SNTG1: variants seen among roughly 807,000 people sequenced by gnomAD.
The protein encoded by SNTG1 is syntrophin gamma 1, also known as gamma-1-syntrophin.
In SNTG1, 39 loss-of-function variants were observed where a neutral mutation model predicts 74.7. That is an observed-to-expected ratio of 0.52 (90% CI 0.40 to 0.68). The LOEUF is 0.68. SNTG1 is among the 30% of genes least tolerant of loss of function. The probability of loss-of-function intolerance (pLI) is 0.00; values close to 1 mark genes in which losing one functional copy is unlikely to be tolerated. For synonymous variants in SNTG1, 254 were observed against 217.1 expected (o/e 1.17, Z -1.49); for missense variants, 685 against 609.5 (o/e 1.12, Z -1.30).
intron 1 of SNTG1, among the ~76,000 whole-genome samples, chr8:50,087,220 T>C (rs1261288775): frequency 6.6e-6 from 1 of 152,206 alleles, no homozygotes; most frequent in East Asian, 1.9e-4. Flanking sequence ...TTTCAGCTTC[T>C]TCTTTTAGAG....
intron 15 of SNTG1, among the ~76,000 whole-genome samples, chr8:50,685,325 T>C (rs965128008): frequency 6.6e-6 from 1 of 152,204 alleles, no homozygotes; most frequent in Admixed American, 6.5e-5. Context: ...AAACTACCAG[T>C]CCTCCAGGGT....
rs1212359270 is a variant in SNTG1 at position 50,660,615 on chromosome 8, A to G, written c.1038+1952A>G. 2.0e-5 allele frequency among the ~76,000 whole-genome samples: 3 copies of G among 152,054 alleles called. No homozygotes were observed. In the East Asian group the frequency reaches 5.8e-4, roughly 29 times the overall value. ...TAATACAACTTTTATCATAGTAATA[A>G]CGCAACACATATTTATATATTCTTA... On this transcript the variant is annotated intron_variant, in intron 15 of 18. Coordinates refer to ENST00000642720, the MANE Select transcript of SNTG1 (RefSeq NM_018967.5).
At chr8:50,667,469 C>T (rs920657348) in intron 15 of SNTG1, among the ~76,000 whole-genome samples, 1 of 151,932 alleles carries the variant, frequency 6.6e-6, no homozygotes, top group African/African-American at 2.4e-5. Flanking sequence ...TGAAGGTCTA[C>T]CAGTTGTGTC....
intron 15 of SNTG1, among the ~76,000 whole-genome samples, chr8:50,678,194 A>G (rs1041359960): frequency 6.6e-6 from 1 of 152,030 alleles, no homozygotes. Context: ...ATCAAAATCT[A>G]TTATTAACAT....
intron 18 of SNTG1, among the ~76,000 whole-genome samples, chr8:50,769,936 T>A (rs550020547): frequency 4.1e-4 from 62 of 152,194 alleles, no homozygotes; most frequent in African/African-American, 1.4e-3. Context: ...ATGTAATAAG[T>A]TTCTATTTTT....
In SNTG1 at chr8:49,938,498, G is replaced by A. The variant is rs1296282292; in HGVS notation, c.-103+26267G>A. Among the ~76,000 whole-genome samples, 3 of 151,782 alleles carry A rather than the reference G, an allele frequency of 2.0e-5. No individual in the cohort carries two copies. In the East Asian group the frequency reaches 5.9e-4, roughly 30 times the overall value. On this transcript the variant is annotated intron_variant, in intron 1 of 18. Coordinates refer to ENST00000642720, the MANE Select transcript of SNTG1 (RefSeq NM_018967.5). The stretch of plus-strand genomic sequence containing the variant: ...CTATACTATTCTTCCAGTGCCAAAA[G>A]GTGCATTTGTGGAATTTCTCTTTGT...
At chr8:50,656,199 A>G (rs2095179546) in intron 13 of SNTG1, among the ~76,000 whole-genome samples, 1 of 152,296 alleles carries the variant, frequency 6.6e-6, no homozygotes, top group East Asian at 1.9e-4. Flanking sequence ...TAGAAATGTC[A>G]TACTTATTTG....
At chr8:50,738,818 T>C (rs974553706) in intron 17 of SNTG1, among the ~76,000 whole-genome samples, 6 of 151,194 alleles carry the variant, frequency 4.0e-5, no homozygotes, top group Admixed American at 6.6e-5. Context: ...GGGGAAAGGA[T>C]TCCCTATTTA....
chr8:50,488,071 A>T (rs891235783), intron 8 of SNTG1, among the ~76,000 whole-genome samples: 2 of 152,184 alleles, frequency 1.3e-5, no homozygotes, highest in African/African-American at 4.8e-5. Flanking sequence ...TACTTAGTCC[A>T]TTCTATCTTG....
chr8:50,060,328 C>A (rs1329813536), intron 1 of SNTG1, among the ~76,000 whole-genome samples: 1 of 152,014 alleles, frequency 6.6e-6, no homozygotes, highest in Non-Finnish European at 1.5e-5. Context: ...CTTTCACTCC[C>A]TTGATGGTGT....
intron 1 of SNTG1, among the ~76,000 whole-genome samples, chr8:50,034,065 G>A (rs1817952849): frequency 6.6e-6 from 1 of 152,120 alleles, no homozygotes. Flanking sequence ...GAAAAAGAAG[G>A]TAGCAGAAAT....
chr8:50,408,003 C>G (rs2092901518), intron 4 of SNTG1, among the ~76,000 whole-genome samples: 1 of 152,130 alleles, frequency 6.6e-6, no homozygotes, highest in South Asian at 2.1e-4. Flanking sequence ...TTCACAATAG[C>G]AGTGTTACCT....
chr8:50,556,544 T>C (rs2094456468), intron 12 of SNTG1, among the ~76,000 whole-genome samples: 1 of 152,242 alleles, frequency 6.6e-6, no homozygotes, highest in Non-Finnish European at 1.5e-5. Context: ...ACCAGCTATA[T>C]GAACAAGTAT....
intron 18 of SNTG1, among the ~76,000 whole-genome samples, chr8:50,773,482 A>G (rs1300085708): frequency 6.6e-6 from 1 of 152,146 alleles, no homozygotes; most frequent in Non-Finnish European, 1.5e-5. Context: ...ACAGAGCCCC[A>G]TGGAAAAGTT....
chr8:50,238,645 A>G (rs1444445497), intron 2 of SNTG1, among the ~76,000 whole-genome samples: 1 of 152,202 alleles, frequency 6.6e-6, no homozygotes, highest in East Asian at 1.9e-4. Flanking sequence ...GACAAGTGGG[A>G]CCTAATTAAG....
chr8:50,030,578 C>T (rs1218216150), intron 1 of SNTG1, among the ~76,000 whole-genome samples: 2 of 151,786 alleles, frequency 1.3e-5, no homozygotes, highest in Admixed American at 1.3e-4. Flanking sequence ...GCCAATTGTT[C>T]TAACACCATT....
At chr8:50,649,855 T>C (rs1585956667) in intron 13 of SNTG1, among the ~76,000 whole-genome samples, 1 of 151,956 alleles carries the variant, frequency 6.6e-6, no homozygotes, top group Non-Finnish European at 1.5e-5. Context: ...GATAAAATTT[T>C]ATATTTGGCA....
At chr8:50,264,098 A>C (rs1364732048) in intron 2 of SNTG1, among the ~76,000 whole-genome samples, 1 of 152,218 alleles carries the variant, frequency 6.6e-6, no homozygotes. Context: ...TATCAAAATG[A>C]GAATTACAAC....
chr8:50,312,680 A>G (rs1286850659), intron 2 of SNTG1, among the ~76,000 whole-genome samples: 1 of 149,880 alleles, frequency 6.7e-6, no homozygotes, highest in Non-Finnish European at 1.5e-5. Flanking sequence ...CCCATTACTA[A>G]ACTTCCACAT....
Sources: allele counts gnomAD v4.1 joint callset (sites outside exome capture counted in the v4.1 genomes callset), GRCh38; gene constraint gnomAD v4.1.1; transcripts MANE v1.5; gene names NCBI Gene and HGNC (gene_info 2026-07-23, HGNC 2026-07-21).